Variants in RANBP17 observed in about 807,000 individuals in gnomAD.
RANBP17 encodes ran-binding protein 17.
A neutral mutation model predicts 141.2 loss-of-function variants in RANBP17; 158 were observed. The observed-to-expected ratio is 1.12, with a 90% CI of 0.98 to 1.28. The LOEUF is 1.28. Among genes scored for constraint, RANBP17 ranks in the 50% most tolerant of loss-of-function variants. The probability of loss-of-function intolerance (pLI) is 0.00; values close to 1 mark genes in which losing one functional copy is unlikely to be tolerated. For synonymous variants in RANBP17, 430 were observed against 450.0 expected (o/e 0.96, Z 0.56); for missense variants, 1,438 against 1,290.7 (o/e 1.11, Z -1.75).
chr5:170,988,023 C>G (rs537852395), intron 14 of RANBP17, among the ~76,000 whole-genome samples: 19 of 151,604 alleles, frequency 1.3e-4, no homozygotes, highest in Non-Finnish European at 2.5e-4. Flanking sequence ...AACACTTACT[C>G]TCTCCCTTGT....
chr5:171,291,245 C>T (rs1286323690), intron 25 of RANBP17, among the ~76,000 whole-genome samples: 4 of 152,176 alleles, frequency 2.6e-5, no homozygotes, highest in Non-Finnish European at 2.9e-5. Context: ...TGGGCCCTTT[C>T]CTGGTATGGC....
intron 7 of RANBP17, among the ~76,000 whole-genome samples, chr5:170,912,319 G>A (rs1361984468): frequency 2.0e-5 from 3 of 151,886 alleles, no homozygotes; most frequent in South Asian, 2.1e-4. Flanking sequence ...GAGTTTCCTC[G>A]TTGAGATATT....
At chr5:170,988,867 T>G (rs1054383551) in intron 14 of RANBP17, among the ~76,000 whole-genome samples, 1 of 151,774 alleles carries the variant, frequency 6.6e-6, no homozygotes, top group Non-Finnish European at 1.5e-5. Flanking sequence ...GGAAAAAAAT[T>G]AGCCAGGCAT....
At chr5:171,016,594 T>G (rs1304159144) in intron 14 of RANBP17, among the ~76,000 whole-genome samples, 1 of 152,154 alleles carries the variant, frequency 6.6e-6, no homozygotes, top group African/African-American at 2.4e-5. Flanking sequence ...GCAGGTTTTT[T>G]ACATATGTAT....
At chr5:171,063,161 G>A (rs188424243) in intron 14 of RANBP17, among the ~76,000 whole-genome samples, 32 of 152,226 alleles carry the variant, frequency 2.1e-4, no homozygotes, top group African/African-American at 7.2e-4. Flanking sequence ...CTCTCAACTC[G>A]TCAAACTCAT....
chr5:171,112,156 G>A (rs759940750), intron 14 of RANBP17, among the ~76,000 whole-genome samples: 1 of 152,050 alleles, frequency 6.6e-6, no homozygotes, highest in Non-Finnish European at 1.5e-5. Context: ...TGTGAGCCAT[G>A]GTGGATACAT....
chr5:170,893,589 C>T (rs953271736), intron 4 of RANBP17, among the ~76,000 whole-genome samples: 1 of 151,832 alleles, frequency 6.6e-6, no homozygotes, highest in African/African-American at 2.4e-5. Context: ...GTCAGGAGAT[C>T]GAGACCATCC....
intron 14 of RANBP17, among the ~76,000 whole-genome samples, chr5:171,058,872 T>C (rs1166041932): frequency 6.6e-6 from 1 of 150,462 alleles, no homozygotes; most frequent in South Asian, 2.1e-4. Context: ...TGTGAGATGG[T>C]ATCTCATTGT....
chr5:171,220,810 A>G (rs2127980848), intron 21 of RANBP17, among the ~76,000 whole-genome samples: 1 of 152,304 alleles, frequency 6.6e-6, no homozygotes, highest in Middle Eastern at 3.4e-3. Flanking sequence ...GTTATTTTGG[A>G]AAATGTTATC....
intron 14 of RANBP17, among the ~76,000 whole-genome samples, chr5:171,150,927 G>A (rs975218830): frequency 1.3e-5 from 2 of 152,156 alleles, no homozygotes; most frequent in African/African-American, 4.8e-5. Flanking sequence ...AACTTGGTCC[G>A]CTGCTTTTGT....
At chr5:170,898,693 TG>T (rs1259653001) in intron 5 of RANBP17, among the ~76,000 whole-genome samples, 2 of 152,194 alleles carry the variant, frequency 1.3e-5, no homozygotes, top group East Asian at 1.9e-4. Context: ...AGTTAATTTT[TG>T]TATAAGGTGT....
At chr5:171,212,433 G>A (rs1762957048) in intron 20 of RANBP17, among the ~76,000 whole-genome samples, 1 of 152,174 alleles carries the variant, frequency 6.6e-6, no homozygotes, top group South Asian at 2.1e-4. Flanking sequence ...GAGAGAAGAA[G>A]TGGTTTATAA....
intron 14 of RANBP17, among the ~76,000 whole-genome samples, chr5:171,141,144 T>A (rs1338310706): frequency 6.6e-6 from 1 of 152,158 alleles, no homozygotes; most frequent in Non-Finnish European, 1.5e-5. Context: ...TACTCTTTAC[T>A]AAAAATAAAT....
intron 14 of RANBP17, among the ~76,000 whole-genome samples, chr5:170,971,880 T>A (rs1373891994): frequency 6.6e-6 from 1 of 152,128 alleles, no homozygotes; most frequent in Non-Finnish European, 1.5e-5. Flanking sequence ...CACTGGAGTA[T>A]TTTTTTATTA....
intron 21 of RANBP17, among the ~76,000 whole-genome samples, chr5:171,215,520 A>G (rs756394573): frequency 6.6e-6 from 1 of 152,174 alleles, no homozygotes; most frequent in African/African-American, 2.4e-5. Context: ...ACTCCCACCA[A>G]CAGTGTAAAA....
chr5:171,089,880 C>T (rs562720259), intron 14 of RANBP17, among the ~76,000 whole-genome samples: 90 of 152,320 alleles, frequency 5.9e-4, no homozygotes, highest in African/African-American at 1.9e-3. Context: ...GTGAGATGCA[C>T]CCGGTACCTC....
intron 25 of RANBP17, among the ~76,000 whole-genome samples, chr5:171,276,936 A>C (rs1211118807): frequency 1.8e-4 from 27 of 151,190 alleles, no homozygotes; most frequent in African/African-American, 6.5e-4. Context: ...AAAAAAAAAA[A>C]AAAAAAAACC....
At chr5:171,003,324 A>T (rs1779357122) in intron 14 of RANBP17, among the ~76,000 whole-genome samples, 1 of 152,136 alleles carries the variant, frequency 6.6e-6, no homozygotes, top group Admixed American at 6.6e-5. Context: ...AGGATTTAGG[A>T]TCTATAGGGT....
intron 14 of RANBP17, among the ~76,000 whole-genome samples, chr5:171,069,310 A>G (rs1455338440): frequency 6.6e-6 from 1 of 152,196 alleles, no homozygotes; most frequent in East Asian, 1.9e-4. Context: ...TTCTCCCCTC[A>G]CTGCCTTCTG....
Sources: allele counts gnomAD v4.1 joint callset (sites outside exome capture counted in the v4.1 genomes callset), GRCh38; gene constraint gnomAD v4.1.1; transcripts MANE v1.5; gene names NCBI Gene and HGNC (gene_info 2026-07-23, HGNC 2026-07-21).